Variants in DMD observed in about 807,000 individuals in gnomAD.
DMD encodes mutant dystrophin.
A neutral mutation model predicts 330.1 loss-of-function variants in DMD; 63 were observed. The observed-to-expected ratio is 0.19, with a 90% CI of 0.16 to 0.24. The LOEUF is 0.24. Ranked by LOEUF, DMD falls within the 10% of genes least tolerant of loss-of-function variation. The pLI is 1.00. For synonymous variants in DMD, 1,223 were observed against 959.8 expected (o/e 1.27, Z -5.07); for missense variants, 3,344 against 2,684.1 (o/e 1.25, Z -5.43).
chrX:32,537,561 G>T (rs1371035025), intron 17 of DMD, among the ~76,000 whole-genome samples: 1 of 111,173 alleles, frequency 9.0e-6, no homozygotes, highest in African/African-American at 3.3e-5. Context: ...AAAGGGAAAA[G>T]AACTGAAGAG....
intron 15 of DMD, among the ~76,000 whole-genome samples, chrX:32,572,557 T>C (rs1043093392): frequency 9.1e-6 from 1 of 110,205 alleles, no homozygotes; most frequent in Non-Finnish European, 1.9e-5. Context: ...AGAGTTTTTT[T>C]TTTTTTTTTT....
intron 7 of DMD, among the ~76,000 whole-genome samples, chrX:32,732,195 G>A (rs2148052533): frequency 9.0e-6 from 1 of 111,089 alleles, no homozygotes; most frequent in Non-Finnish European, 1.9e-5. Context: ...AATGAACCGA[G>A]AAGGGAAGTT....
At chrX:32,155,976 ACACACACAC>A (rs1233693632) in intron 44 of DMD, among the ~76,000 whole-genome samples, 9 of 23,382 alleles carry the variant, frequency 3.8e-4, no homozygotes, top group African/African-American at 1.5e-3. Context: ...GTCATTCAAC[ACACACACAC>A]ACACACACAC....
intron 43 of DMD, among the ~76,000 whole-genome samples, chrX:32,219,002 CATTGT>C (rs767154332): frequency 5.4e-5 from 6 of 112,001 alleles, no homozygotes; most frequent in Admixed American, 3.8e-4. Flanking sequence ...ACATTGCACT[CATTGT>C]ATTTAATGAA....
At chrX:31,401,450 CAAT>C (rs2061187634) in intron 60 of DMD, among the ~76,000 whole-genome samples, 1 of 112,290 alleles carries the variant, frequency 8.9e-6, no homozygotes, top group Non-Finnish European at 1.9e-5. Flanking sequence ...TTATCTGCAA[CAAT>C]GAGTAGACGT....
At chrX:31,833,101 G>C (rs6527122) in intron 49 of DMD, among the ~76,000 whole-genome samples, 15,815 of 110,492 alleles carry the variant, frequency 0.14, 910 homozygotes, top group African/African-American at 0.18. Flanking sequence ...ACACATTAAA[G>C]ACTATTTCAT....
chrX:32,012,087 T>C (rs1256722375), intron 44 of DMD, among the ~76,000 whole-genome samples: 1 of 112,377 alleles, frequency 8.9e-6, no homozygotes, highest in Non-Finnish European at 1.9e-5. Flanking sequence ...GGGACAACAA[T>C]GTGATGGCCA....
At chrX:32,351,200 G>A (rs2097780662) in intron 37 of DMD, among the ~76,000 whole-genome samples, 1 of 110,190 alleles carries the variant, frequency 9.1e-6, no homozygotes, top group Non-Finnish European at 1.9e-5. Flanking sequence ...ATAAATCTTG[G>A]GTCTTATTTT....
Position 33,211,286 on chromosome X carries a change from G to C in DMD, c.27C>G (p.Asp9Glu), listed in dbSNP as rs1470154494. MLWWEEVE[D>E]CYEREDVQKK... The stretch of plus-strand genomic sequence containing the variant: ...TTTTAGTTACTTTGTACTTACAACA[G>C]TCCTCTACTTCTTCCCACCAAAGCA... Residue 9 changes from aspartate (D) to glutamate (E), a missense_variant, in exon 1 of 79, where the codon GAC becomes GAG. By Grantham distance (45) the Asp-to-Glu change is conservative. Transcript: ENST00000357033. 11 of 1,207,199 alleles carry C rather than the reference G, an allele frequency of 9.1e-6. No homozygotes were observed. The highest frequency in any genetic ancestry group is 1.1e-5 in the Non-Finnish European group (10 of 893,897).
chrX:31,224,062 G>A (rs1273272605), intron 63 of DMD, among the ~76,000 whole-genome samples: 1 of 111,479 alleles, frequency 9.0e-6, no homozygotes, highest in East Asian at 2.8e-4. Context: ...GTCTGCACAA[G>A]CCTTGATAGA....
intron 44 of DMD, among the ~76,000 whole-genome samples, chrX:32,007,401 G>A (rs2095670491): frequency 9.1e-6 from 1 of 109,786 alleles, no homozygotes; most frequent in Non-Finnish European, 1.9e-5. Context: ...AGAGCCTTCA[G>A]AGGGATAATT....
At chrX:32,995,961 G>A (rs2093108229) in intron 2 of DMD, among the ~76,000 whole-genome samples, 1 of 111,870 alleles carries the variant, frequency 8.9e-6, no homozygotes, top group Admixed American at 9.5e-5. Context: ...TTCTTATGTG[G>A]TCAGTGCAAA....
chrX:32,509,187 G>A (rs1372814348), intron 18 of DMD, among the ~76,000 whole-genome samples: 17 of 43,792 alleles, frequency 3.9e-4, no homozygotes, highest in Middle Eastern at 0.011. Context: ...TATAAAAAGT[G>A]TTAAAAAAAA....
At chrX:33,271,650 C>T (rs2053156736) in intron 1 of DMD, among the ~76,000 whole-genome samples, 2 of 106,315 alleles carry the variant, frequency 1.9e-5, no homozygotes, top group Admixed American at 2.0e-4. Flanking sequence ...CCTGTAATCC[C>T]AGCTACTTGG....
chrX:31,338,631 A>C lies in DMD; in HGVS notation c.9163+9925T>G, dbSNP rs141177259. On this transcript the variant is annotated intron_variant, in intron 61 of 78. Coordinates refer to ENST00000357033, the MANE Select transcript of DMD (RefSeq NM_004006.3). Reference sequence around the variant, plus strand: ...TGCTTCCCTCACTCCCTTTCACCTGAACAAATTACTTCTACAAGAAGCCCC... The same window carrying C: ...TGCTTCCCTCACTCCCTTTCACCTGCACAAATTACTTCTACAAGAAGCCCC... 5.2e-3 allele frequency among the ~76,000 whole-genome samples: 576 copies of C among 111,065 alleles called. 4 individuals carry two copies. The highest frequency in any genetic ancestry group is 0.018 in the African/African-American group (558 of 30,532).
chrX:33,095,650 T>C (rs2095147840), intron 1 of DMD, among the ~76,000 whole-genome samples: 1 of 111,924 alleles, frequency 8.9e-6, no homozygotes, highest in South Asian at 3.7e-4. Context: ...CTATTAGCAC[T>C]ACCTCCAGAA....
At chrX:31,238,707 G>A (rs919301934) in intron 63 of DMD, among the ~76,000 whole-genome samples, 116 of 112,015 alleles carry the variant, frequency 1.0e-3, no homozygotes, top group African/African-American at 3.5e-3. Context: ...GGCCTTCCCC[G>A]CTTCTCCGCT....
At chrX:32,855,688 C>G (rs1217201905) in intron 2 of DMD, among the ~76,000 whole-genome samples, 2 of 112,013 alleles carry the variant, frequency 1.8e-5, no homozygotes, top group African/African-American at 6.5e-5. Flanking sequence ...AGACTTAAAT[C>G]TAAGGCCTCA....
At chrX:31,319,786 C>G (rs147475884) in intron 62 of DMD, among the ~76,000 whole-genome samples, 1,208 of 112,233 alleles carry the variant, frequency 0.011, 13 homozygotes, top group African/African-American at 0.036. Flanking sequence ...TTTGACAGTC[C>G]AGAATACAGA....
Sources: gnomAD v4.1 joint callset for allele counts (sites outside exome capture counted in the v4.1 genomes callset) on GRCh38, gnomAD v4.1.1 for gene constraint, MANE v1.5 for transcripts, NCBI Gene and HGNC (gene_info 2026-07-23, HGNC 2026-07-21) for gene names.